IGF1: variants seen among roughly 807,000 people sequenced by gnomAD.
The protein encoded by IGF1 is insulin like growth factor 1.
A neutral mutation model predicts 13.8 loss-of-function variants in IGF1; 4 were observed. That is an observed-to-expected ratio of 0.29 (90% CI 0.14 to 0.66). IGF1 has a LOEUF of 0.66. Among genes scored for constraint, IGF1 ranks in the 30% least tolerant of loss-of-function variants. IGF1 has a pLI of 0.78. For synonymous variants in IGF1, 76 were observed against 72.6 expected, an observed-to-expected ratio of 1.05 and a Z score of -0.23; for missense variants, 124 against 188.5, an observed-to-expected ratio of 0.66 and a Z score of 2.00.
chr12:102,403,653 T>G (rs141021402), intron 3 of IGF1, among the ~76,000 whole-genome samples: 1 of 36,804 alleles, frequency 2.7e-5, no homozygotes, highest in East Asian at 1.1e-3. Context: ...TTTTTTTTTG[T>G]AGAGACGGGG....
intron 2 of IGF1, among the ~76,000 whole-genome samples, chr12:102,443,751 G>C (rs1029576615): frequency 6.6e-6 from 1 of 152,072 alleles, no homozygotes; most frequent in Non-Finnish European, 1.5e-5. Flanking sequence ...AGATCACTGA[G>C]AGTACATAAC....
rs138970991 is a variant in IGF1, at chr12:102,408,767, G to A, written c.403-6201C>T. Reference sequence around the variant, plus strand: ...TTGGGCAACTGTATTGCCCAACTTTGGCTCAAAAACTCCATGATGACTTTG... The same window carrying A: ...TTGGGCAACTGTATTGCCCAACTTTAGCTCAAAAACTCCATGATGACTTTG... On this transcript the variant is annotated intron_variant, in intron 3 of 3. Coordinates refer to ENST00000337514, the MANE Select transcript of IGF1 (RefSeq NM_000618.5). Among the ~76,000 whole-genome samples the A allele has an allele frequency of 3.0e-3, 457 of 152,160 alleles. 11 individuals carry two copies. Among genetic ancestry groups the A allele is most frequent in the African/African-American group, 1.0e-2 (414 of 41,500 alleles).
chr12:102,458,903 G>T (rs1879671717), intron 2 of IGF1, among the ~76,000 whole-genome samples: 1 of 152,100 alleles, frequency 6.6e-6, no homozygotes, highest in Non-Finnish European at 1.5e-5. Context: ...AAGTCACATA[G>T]GTCGGATGTT....
intron 2 of IGF1, among the ~76,000 whole-genome samples, chr12:102,445,087 T>C (rs375374484): frequency 5.3e-5 from 8 of 152,080 alleles, no homozygotes; most frequent in African/African-American, 1.9e-4. Flanking sequence ...TTCTGTTCCA[T>C]TGGTCGATAT....
chr12:102,478,454 A>G (rs756474090), intron 1 of IGF1: 4 of 1,524,064 alleles, frequency 2.6e-6, no homozygotes, highest in African/African-American at 2.7e-5. Flanking sequence ...GCCCTGTAAA[A>G]TTTGAGGGCA....
At chr12:102,460,423 T>C (rs1190845376) in intron 2 of IGF1, among the ~76,000 whole-genome samples, 4 of 152,226 alleles carry the variant, frequency 2.6e-5, no homozygotes, top group African/African-American at 9.6e-5. Context: ...AAGCCTGCAG[T>C]TGTATGATTG....
At chr12:102,453,775 C>T (rs1300878425) in intron 2 of IGF1, among the ~76,000 whole-genome samples, 1 of 152,130 alleles carries the variant, frequency 6.6e-6, no homozygotes, top group African/African-American at 2.4e-5. Flanking sequence ...TGTCAGGTAC[C>T]ATGCGTGCTT....
At chr12:102,410,278 T>TCATGAA (rs1874521451) in intron 3 of IGF1, among the ~76,000 whole-genome samples, 1 of 152,232 alleles carries the variant, frequency 6.6e-6, no homozygotes, top group African/African-American at 2.4e-5. Flanking sequence ...TGAAGGATGT[T>TCATGAA]GTAAAATACT....
intron 3 of IGF1, among the ~76,000 whole-genome samples, chr12:102,414,480 G>A (rs748290913): frequency 3.9e-5 from 6 of 151,932 alleles, no homozygotes; most frequent in African/African-American, 7.3e-5. Flanking sequence ...GGGATGCAGC[G>A]GCAGGATCTC....
intron 2 of IGF1, among the ~76,000 whole-genome samples, chr12:102,434,187 T>C (rs1299298294): frequency 2.0e-5 from 3 of 151,122 alleles, no homozygotes; most frequent in Non-Finnish European, 4.4e-5. Context: ...TTAGGGTACA[T>C]GTGCACATTG....
chr12:102,429,070 T>C (rs1402291996), intron 2 of IGF1, among the ~76,000 whole-genome samples: 1 of 152,192 alleles, frequency 6.6e-6, no homozygotes, highest in Admixed American at 6.5e-5. Flanking sequence ...TTCAGTAAAA[T>C]TTAAAAGTCT....
chr12:102,449,020 C>T (rs1300246310), intron 2 of IGF1, among the ~76,000 whole-genome samples: 2 of 152,130 alleles, frequency 1.3e-5, no homozygotes, highest in Non-Finnish European at 2.9e-5. Context: ...ACCAGAAATA[C>T]CATTTGACCC....
At chr12:102,429,092 G>A (rs902193460) in intron 2 of IGF1, among the ~76,000 whole-genome samples, 1 of 152,106 alleles carries the variant, frequency 6.6e-6, no homozygotes, top group African/African-American at 2.4e-5. Flanking sequence ...TACGAAGAGT[G>A]CTCAAGCATG....
At chr12:102,409,713 G>T (rs1874470134) in intron 3 of IGF1, among the ~76,000 whole-genome samples, 2 of 152,034 alleles carry the variant, frequency 1.3e-5, no homozygotes, top group African/African-American at 2.4e-5. Flanking sequence ...CAAGACGTTG[G>T]CAAGACACTT....
At chr12:102,402,968 T>C (rs1404262092) in intron 3 of IGF1, among the ~76,000 whole-genome samples, 1 of 152,250 alleles carries the variant, frequency 6.6e-6, no homozygotes, top group African/African-American at 2.4e-5. Context: ...TATTGCAGTT[T>C]GTTCTGTTTT....
intron 2 of IGF1, among the ~76,000 whole-genome samples, chr12:102,451,339 T>C (rs1878907153): frequency 6.6e-6 from 1 of 152,264 alleles, no homozygotes; most frequent in African/African-American, 2.4e-5. Context: ...TGAGAATTAC[T>C]GAGCGCATTT....
rs879384585 is a variant in IGF1, at chr12:102,402,247, T to A, written c.*260A>T. Reference sequence around the variant, plus strand: ...ACTAAGATATATATATATATATATTTTTTTTTTCTTTTCTATAGAACATTA... The same window carrying A: ...ACTAAGATATATATATATATATATTATTTTTTTCTTTTCTATAGAACATTA... On this transcript the variant is annotated 3_prime_UTR_variant, in exon 4 of 4. Transcript: ENST00000337514. The A allele has an allele frequency of 9.6e-3, 2,584 of 268,248 alleles. 32 individuals carry two copies. The highest frequency in any genetic ancestry group is 0.037 in the African/African-American group (1,628 of 44,096). The allele number at this position is 268,248 out of a possible 1,614,324, so 16.6% of individuals were successfully genotyped here. A position where few individuals can be genotyped will look rare whatever the true frequency, so the allele number is the denominator to read the frequency against.
In IGF1 at chr12:102,401,817, C is replaced by T. The variant is rs1873705267; in HGVS notation, c.*690G>A. 1 of 152,584 alleles carries T rather than the reference C, an allele frequency of 6.6e-6. No individual in the cohort carries two copies. The highest frequency in any genetic ancestry group is 2.4e-5 in the African/African-American group (1 of 41,448). The allele number at this position is 152,584 out of a possible 1,614,324, so 9.5% of individuals were successfully genotyped here. On this transcript the variant is annotated 3_prime_UTR_variant, in exon 4 of 4. Coordinates refer to ENST00000337514, the MANE Select transcript of IGF1 (RefSeq NM_000618.5). ...CTAAAAATGATTGGCCTCAAAGTTG[C>T]AACTATTTGCATTATTCTTTTTTGT...
At chr12:102,456,221 GGTGTGTGTGTGTGT>G (rs59075811) in intron 2 of IGF1, among the ~76,000 whole-genome samples, 295 of 140,272 alleles carry the variant, frequency 2.1e-3, no homozygotes, top group African/African-American at 5.0e-3. Flanking sequence ...ATTTAAAAAA[GGTGTGTGTGTGTGT>G]GTGTGTGTGT....
Sources: gnomAD v4.1 joint callset for allele counts (sites outside exome capture counted in the v4.1 genomes callset) on GRCh38, gnomAD v4.1.1 for gene constraint, MANE v1.5 for transcripts, NCBI Gene and HGNC (gene_info 2026-07-23, HGNC 2026-07-21) for gene names.